The following STARD5 variants were observed in gnomAD, a reference collection of about 807,000 sequenced individuals.
STARD5 encodes StAR related lipid transfer domain containing 5.
A neutral mutation model predicts 24.6 loss-of-function variants in STARD5; 26 were observed. The observed-to-expected ratio is 1.06, with a 90% confidence interval of 0.77 to 1.47. The LOEUF is 1.47. STARD5 is among the 40% of genes most tolerant of loss of function. The pLI is 0.00. For missense variants in STARD5, 254 were observed against 270.8 expected (o/e 0.94, Z 0.44); for synonymous variants, 101 against 99.7 (o/e 1.01, Z -0.07).
At chr15:81,315,643 G>GC (rs1178119808) in intron 5 of STARD5, among the ~76,000 whole-genome samples, 3 of 151,698 alleles carry the variant, frequency 2.0e-5, no homozygotes, top group African/African-American at 7.3e-5. Context: ...CCTTTCCCCC[G>GC]CCCCCCGCGC....
intron 3 of STARD5, among the ~76,000 whole-genome samples, chr15:81,320,989 G>A (rs1159842303): frequency 1.3e-5 from 2 of 152,202 alleles, no homozygotes; most frequent in African/African-American, 4.8e-5. Context: ...AAAGCATGCT[G>A]AGAAATGTCA....
At chr15:81,319,292 G>A (rs754291744) in intron 4 of STARD5, 47 bp downstream of exon 4, 7 of 1,517,312 alleles carry the variant, frequency 4.6e-6, no homozygotes, top group Admixed American at 3.3e-5. Context: ...AGAAGAGAAA[G>A]CTCGATATCG....
chr15:81,319,519 C>T, intron 3 of STARD5, 63 bp from the exon 4 acceptor site: 1 of 1,435,440 alleles, frequency 7.0e-7, no homozygotes, highest in South Asian at 1.1e-5. Context: ...CAACTCCCAC[C>T]CCATCCCTCA....
chr15:81,317,036 A>C (rs1372889925), intron 5 of STARD5, among the ~76,000 whole-genome samples: 3 of 151,982 alleles, frequency 2.0e-5, no homozygotes. Context: ...GGCTCTACTA[A>C]AAATACAAAA....
rs535878218 is a variant in STARD5, at chr15:81,309,114, G to A, written c.*4142C>T. On this transcript the variant is annotated 3_prime_UTR_variant, in exon 6 of 6. Transcript: ENST00000302824. ...TCATATGACATTCATGCCTGGCTTC[G>A]CAAAATGTTTCAAGTACTGTAACTG... is the stretch of plus-strand genomic sequence containing the variant. 6.8e-5 allele frequency: 18 copies of A among 266,120 alleles called. No individual in the cohort carries two copies. The highest frequency in any genetic ancestry group is 2.0e-4 in the South Asian group (2 of 9,972). The allele number at this position is 266,120 out of a possible 1,614,324, so 16.5% of individuals were successfully genotyped here. A position where few individuals can be genotyped will look rare whatever the true frequency, so the allele number is the denominator to read the frequency against.
chr15:81,318,254 T>C (rs1901122730), intron 5 of STARD5, among the ~76,000 whole-genome samples, 155 bp downstream of exon 5: 2 of 152,234 alleles, frequency 1.3e-5, no homozygotes, highest in South Asian at 2.1e-4. Flanking sequence ...TATGCAGATG[T>C]GTGTGAAAGT....
At chr15:81,319,192 C>T (rs544968129) in intron 4 of STARD5, 147 bp downstream of exon 4, 13 of 747,356 alleles carry the variant, frequency 1.7e-5, no homozygotes, top group African/African-American at 1.4e-4. Context: ...CTGAGTCCCC[C>T]CAAACCCAAC....
chr15:81,321,303 C>A (rs1901189731), intron 3 of STARD5, among the ~76,000 whole-genome samples: 1 of 152,056 alleles, frequency 6.6e-6, no homozygotes, highest in African/African-American at 2.4e-5. Context: ...GTACCTCAAT[C>A]CAATTTTTTA....
Position 81,313,337 on chromosome 15 carries a change from G to C in STARD5, c.561C>G (p.Asn187Lys), listed in dbSNP as rs775687704. 6.3e-7 allele frequency: 1 copy of C among 1,579,166 alleles called. No individual in the cohort carries two copies. Among genetic ancestry groups the C allele is most frequent in the South Asian group, 1.2e-5 (1 of 84,590 alleles). ...HTDLSGYLPQ[N>K]VVDSFFPRSM... ...TGCGGGGGAAGAAGGAGTCCACCAC[G>C]TTCTGTGGGAGGTAACCGCTGAGGT... Residue 187 changes from asparagine to lysine, a missense_variant, in exon 6 of 6, where the codon AAC (asparagine) becomes AAG (lysine). Asn to Lys is a moderately conservative substitution (Grantham distance 94). Coordinates refer to ENST00000302824, the MANE Select transcript of STARD5 (RefSeq NM_181900.3).
At position 81,313,244 on chromosome 15, in the gene STARD5, G is replaced by C. The variant is rs1316276754; in HGVS notation, c.*12C>G. 3 of 1,539,318 alleles carry C rather than the reference G, an allele frequency of 1.9e-6. No homozygotes were observed. Among genetic ancestry groups the C allele is most frequent in the African/African-American group, 1.4e-5 (1 of 71,636 alleles). On this transcript the variant is annotated 3_prime_UTR_variant, in exon 6 of 6. Coordinates refer to ENST00000302824, the MANE Select transcript of STARD5 (RefSeq NM_181900.3). ...AGTCACGGGAGTTCTTTGCCAAGAA[G>C]TAACGATAGCATTACTCATGGAATT...
chr15:81,323,668 T>A, intron 1 of STARD5: 1 of 1,116,140 alleles, frequency 9.0e-7, no homozygotes. Flanking sequence ...TTTGTTTTGT[T>A]TTTAAACACC....
In STARD5 at chr15:81,319,455, G is replaced by T. The variant is rs770706772; in HGVS notation, c.284C>A (p.Thr95Asn). ...AGTGGAGGTTCTGCTTACACACAGG[G>T]TCTGCCAAACCAAAGAAGCATGTAG... ...GFEIIQSITD[T>N]LCVSRTSTPS... is the part of the protein sequence containing the mutation. The change falls in exon 4 of 6, where the codon ACC (threonine) becomes AAC (asparagine). Residue 95 changes from threonine (T) to asparagine (N), a missense_variant and splice_region_variant. Coordinates refer to ENST00000302824, the MANE Select transcript of STARD5 (RefSeq NM_181900.3). 5 of 1,613,864 alleles carry T rather than the reference G, an allele frequency of 3.1e-6. 1 individual carries two copies. In the South Asian group the frequency reaches 5.5e-5, roughly 18 times the overall value.
chr15:81,313,145 G>C lies in STARD5; in HGVS notation c.*111C>G. ...TCAGAGATGCGCAGTCCATCAGCTT[G>C]TTCCAAAGAGTGAACACAGGCCTCT... On this transcript the variant is annotated 3_prime_UTR_variant, in exon 6 of 6. Coordinates refer to ENST00000302824, the MANE Select transcript of STARD5 (RefSeq NM_181900.3). 7.7e-7 allele frequency: 1 copy of C among 1,294,050 alleles called. No homozygotes were observed. The allele number at this position is 1,294,050 out of a possible 1,614,324, so 80.2% of individuals were successfully genotyped here.
chr15:81,323,491 G>A (rs1297162538), intron 1 of STARD5: 1 of 475,738 alleles, frequency 2.1e-6, no homozygotes, highest in Non-Finnish European at 3.9e-6. Flanking sequence ...AAGTCAGAAG[G>A]GTCAAGCAAA....
intron 3 of STARD5, among the ~76,000 whole-genome samples, chr15:81,320,916 C>G (rs993258859): frequency 6.6e-6 from 1 of 152,206 alleles, no homozygotes; most frequent in African/African-American, 2.4e-5. Flanking sequence ...TGTATCCTAT[C>G]CATCCATCCA....
intron 3 of STARD5, among the ~76,000 whole-genome samples, chr15:81,320,781 C>A (rs551375729): frequency 1.3e-5 from 2 of 152,234 alleles, no homozygotes; most frequent in South Asian, 4.2e-4. Flanking sequence ...CCCCTGATGA[C>A]TGCCTCCAAG....
intron 3 of STARD5, among the ~76,000 whole-genome samples, chr15:81,320,520 C>A (rs952469889): frequency 1.3e-5 from 2 of 152,190 alleles, no homozygotes; most frequent in Admixed American, 1.3e-4. Context: ...CATCTAGAAT[C>A]ATCCTATCAT....
intron 5 of STARD5, among the ~76,000 whole-genome samples, chr15:81,316,410 G>T (rs190862197): frequency 2.9e-4 from 44 of 152,296 alleles, no homozygotes; most frequent in African/African-American, 1.1e-3. Flanking sequence ...ATCAATATCT[G>T]GGTTAAGAGC....
At chr15:81,320,268 G>A (rs1173602150) in intron 3 of STARD5, among the ~76,000 whole-genome samples, 2 of 152,162 alleles carry the variant, frequency 1.3e-5, no homozygotes, top group African/African-American at 4.8e-5. Flanking sequence ...ATTAAGACTT[G>A]GGGCATCGTG....
Sources: gnomAD v4.1 joint callset for allele counts (sites outside exome capture counted in the v4.1 genomes callset) on GRCh38, gnomAD v4.1.1 for gene constraint, MANE v1.5 for transcripts, NCBI Gene and HGNC (gene_info 2026-07-23, HGNC 2026-07-21) for gene names.